MAN1A1: variants seen among roughly 807,000 people sequenced by gnomAD.
The protein encoded by MAN1A1 is mannosyl-oligosaccharide 1,2-alpha-mannosidase IA.
In MAN1A1, 29 loss-of-function variants were observed where a neutral mutation model predicts 70.8. The ratio of observed to expected loss-of-function variants is 0.41; its 90% CI spans 0.31 to 0.56. The LOEUF (loss-of-function observed/expected upper bound fraction) is 0.56. Among genes scored for constraint, MAN1A1 ranks in the 20% least tolerant of loss-of-function variants. The pLI is 0.29. For missense variants in MAN1A1, 747 were observed against 841.3 expected (o/e 0.89, Z 1.39); for synonymous variants, 349 against 330.1 (o/e 1.06, Z -0.62).
At position 119,322,426 on chromosome 6, in the gene MAN1A1, G is replaced by A. The variant is rs190625484; in HGVS notation, c.604-15434C>T. Reference sequence around the variant, plus strand: ...CCAGACTCAGATCTCCGTTCTATTCGCAGAACTAATGGTAACCACCTATTG... The same window carrying A: ...CCAGACTCAGATCTCCGTTCTATTCACAGAACTAATGGTAACCACCTATTG... On this transcript the variant is annotated intron_variant, in intron 2 of 12. Transcript: ENST00000368468. 1.1e-3 allele frequency among the ~76,000 whole-genome samples: 167 copies of A among 152,090 alleles called. 1 individual carries two copies. Among genetic ancestry groups the A allele is most frequent in the African/African-American group, 3.9e-3 (161 of 41,450 alleles).
intron 2 of MAN1A1, among the ~76,000 whole-genome samples, chr6:119,323,994 A>C (rs1773086478): frequency 6.6e-6 from 1 of 152,212 alleles, no homozygotes; most frequent in African/African-American, 2.4e-5. Flanking sequence ...ATTCCACATA[A>C]GCAACTGTAA....
At chr6:119,231,433 C>T (rs1238347111) in intron 6 of MAN1A1, among the ~76,000 whole-genome samples, 1 of 152,174 alleles carries the variant, frequency 6.6e-6, no homozygotes, top group Non-Finnish European at 1.5e-5. Context: ...TTTTAAGTTT[C>T]CTGAGGCCTC....
intron 5 of MAN1A1, among the ~76,000 whole-genome samples, chr6:119,262,105 G>A (rs187457301): frequency 6.6e-6 from 1 of 152,306 alleles, no homozygotes; most frequent in African/African-American, 2.4e-5. Flanking sequence ...AACACCGGCT[G>A]TCTATAAAAC....
At chr6:119,233,023 A>G (rs980587435) in intron 6 of MAN1A1, among the ~76,000 whole-genome samples, 5 of 152,334 alleles carry the variant, frequency 3.3e-5, no homozygotes, top group African/African-American at 1.2e-4. Flanking sequence ...TATCAAACAT[A>G]AATATGAAAT....
At chr6:119,303,796 T>C (rs564776478) in intron 3 of MAN1A1, among the ~76,000 whole-genome samples, 2 of 152,286 alleles carry the variant, frequency 1.3e-5, no homozygotes, top group African/African-American at 4.8e-5. Context: ...CATGCAGATC[T>C]TATACTCAGG....
At chr6:119,350,277 C>G (rs1651715882), upstream of MAN1A1, among the ~76,000 whole-genome samples, 1 of 152,166 alleles carries the variant, frequency 6.6e-6, no homozygotes, top group Non-Finnish European at 1.5e-5. Context: ...TCCAGTTACC[C>G]TCTTTTTATC....
intron 4 of MAN1A1, among the ~76,000 whole-genome samples, chr6:119,296,351 T>A (rs1772216224): frequency 6.6e-6 from 1 of 152,140 alleles, no homozygotes; most frequent in South Asian, 2.1e-4. Context: ...CAGCACAGTA[T>A]CCTCTGAAAA....
intron 2 of MAN1A1, among the ~76,000 whole-genome samples, chr6:119,309,375 C>T (rs1392308329): frequency 1.3e-5 from 2 of 152,198 alleles, no homozygotes; most frequent in Non-Finnish European, 2.9e-5. Flanking sequence ...AGGCTACCAG[C>T]TTTTAATTTT....
chr6:119,327,667 T>C (rs1326773151), intron 2 of MAN1A1, among the ~76,000 whole-genome samples: 2 of 152,186 alleles, frequency 1.3e-5, no homozygotes, highest in Non-Finnish European at 1.5e-5. Context: ...CTGTACTGTA[T>C]ACTTGAAAAC....
intron 2 of MAN1A1, among the ~76,000 whole-genome samples, chr6:119,316,825 A>T (rs1772866711): frequency 6.6e-6 from 1 of 152,090 alleles, no homozygotes; most frequent in African/African-American, 2.4e-5. Context: ...CACTAGTATT[A>T]CTAGTAGTTA....
chr6:119,337,089 C>CT (rs996360010), intron 2 of MAN1A1, among the ~76,000 whole-genome samples: 22 of 152,058 alleles, frequency 1.4e-4, no homozygotes, highest in East Asian at 1.4e-3. Context: ...GGTCAAAAGA[C>CT]TTTTTTTTGT....
At chr6:119,215,477 C>T (rs1774173986) in intron 6 of MAN1A1, among the ~76,000 whole-genome samples, 1 of 152,100 alleles carries the variant, frequency 6.6e-6, no homozygotes. Context: ...GAATCTGAAA[C>T]AGCAGGAGAG....
chr6:119,188,891 ACT>A, intron 10 of MAN1A1, among the ~76,000 whole-genome samples: 1 of 152,240 alleles, frequency 6.6e-6, no homozygotes, highest in South Asian at 2.1e-4. Flanking sequence ...AAGAACAAAA[ACT>A]CTATAAATGT....
intron 9 of MAN1A1, among the ~76,000 whole-genome samples, chr6:119,192,679 G>T (rs1773472236): frequency 6.6e-6 from 1 of 151,960 alleles, no homozygotes; most frequent in East Asian, 1.9e-4. Flanking sequence ...AAATTTTTCT[G>T]AGGACTGAGC....
chr6:119,277,956 AAAG>A (rs1392324855), intron 5 of MAN1A1, among the ~76,000 whole-genome samples: 105 of 129,456 alleles, frequency 8.1e-4, no homozygotes, highest in Non-Finnish European at 1.1e-3. Context: ...AAAAAAAAAA[AAAG>A]TAAAAATAAA....
At chr6:119,252,901 G>A (rs1775362630) in intron 5 of MAN1A1, among the ~76,000 whole-genome samples, 1 of 152,160 alleles carries the variant, frequency 6.6e-6, no homozygotes, top group South Asian at 2.1e-4. Context: ...ACCAACCATT[G>A]AAGCTGATCC....
intron 5 of MAN1A1, among the ~76,000 whole-genome samples, chr6:119,249,189 A>G (rs3819731): frequency 0.29 from 43,898 of 152,056 alleles, 6,880 homozygotes; most frequent in East Asian, 0.56. Flanking sequence ...GGGGCCCTAC[A>G]GAATAAACAG....
chr6:119,273,124 T>C (rs1214198605), intron 5 of MAN1A1, among the ~76,000 whole-genome samples: 1 of 152,166 alleles, frequency 6.6e-6, no homozygotes, highest in East Asian at 1.9e-4. Flanking sequence ...TTGGAAAAAC[T>C]GAATCCTGAG....
chr6:119,257,101 C>A (rs1278610789), intron 5 of MAN1A1, among the ~76,000 whole-genome samples: 7 of 151,924 alleles, frequency 4.6e-5, no homozygotes, highest in Non-Finnish European at 1.0e-4. Context: ...TATATAGATG[C>A]AGGTATGTAC....
Sources: gnomAD v4.1 joint callset for allele counts (sites outside exome capture counted in the v4.1 genomes callset) on GRCh38, gnomAD v4.1.1 for gene constraint, MANE v1.5 for transcripts, NCBI Gene and HGNC (gene_info 2026-07-23, HGNC 2026-07-21) for gene names.